Variants in PRAG1 observed in about 807,000 individuals in gnomAD.
PRAG1 encodes the protein inactive tyrosine-protein kinase PRAG1.
Under a neutral mutation model 95.6 loss-of-function variants are expected in PRAG1, and 110 were observed. The observed-to-expected ratio is 1.15, with a 90% CI of 0.99 to 1.35. The LOEUF is 1.35. PRAG1 is among the 40% of genes most tolerant of loss of function. The pLI is 0.00. For synonymous variants in PRAG1, 1,052 were observed against 819.4 expected, an observed-to-expected ratio of 1.28 and a Z score of -4.85; for missense variants, 2,554 against 1,864.7, an observed-to-expected ratio of 1.37 and a Z score of -6.81.
At position 8,349,575 on chromosome 8, in the gene PRAG1, C is replaced by A. The variant is rs185901438; in HGVS notation, c.2163-9940G>T. Among the ~76,000 whole-genome samples, 1,003 of 152,244 alleles carry A rather than the reference C, an allele frequency of 6.6e-3. 6 individuals are homozygous for A. Among genetic ancestry groups the A allele is most frequent in the African/African-American group, 0.019 (809 of 41,534 alleles). On this transcript the variant is annotated intron_variant, in intron 3 of 5. Coordinates refer to ENST00000615670, the MANE Select transcript of PRAG1 (RefSeq NM_001080826.3). ...GGGATTACAGGCCTGAGCCACCGCG[C>A]CCGGCCGGTTTCTATTATTTTTATC...
chr8:8,318,765 G>C lies in PRAG1; in HGVS notation c.3610C>G (p.Pro1204Ala). ...AGCCGGGGCAGCTGCTTCTCCCGGG[G>C]CCCTTCCGGGGAGGCGGGGCCGGCT... Reference protein sequence around the residue: ...PAAGPASPEGPREKQLPRLII... With the variant: ...PAAGPASPEGAREKQLPRLII... The change falls in exon 6 of 6, where the codon CCC becomes GCC. Residue 1204 changes from proline to alanine, a missense_variant. Physicochemically the swap from Pro to Ala is conservative, Grantham distance 27. Coordinates refer to ENST00000615670, the MANE Select transcript of PRAG1 (RefSeq NM_001080826.3). This position sits in a 1 kb window ranked among gnomAD's most constrained non-coding sequence, Gnocchi z 4.2. The C allele has an allele frequency of 1.3e-6, 2 of 1,574,774 alleles. No homozygotes were observed. Among genetic ancestry groups the C allele is most frequent in the African/African-American group, 2.7e-5 (2 of 73,804 alleles).
At chr8:8,354,415 A>G (rs937966558) in intron 3 of PRAG1, among the ~76,000 whole-genome samples, 1 of 151,982 alleles carries the variant, frequency 6.6e-6, no homozygotes, top group African/African-American at 2.4e-5. Flanking sequence ...TAGAGGGAAT[A>G]CTTCCAAAAA....
chr8:8,384,608 C>CAAAAAAAAAAA (rs11400182), intron 1 of PRAG1, among the ~76,000 whole-genome samples: 3 of 92,464 alleles, frequency 3.2e-5, no homozygotes, highest in Non-Finnish European at 6.2e-5. Flanking sequence ...CGCATGCAGC[C>CAAAAAAAAAAA]AAAAAAAAAA....
In PRAG1 at chr8:8,352,462, C is replaced by G. The variant is rs928033835; in HGVS notation, c.2163-12827G>C. Reference sequence around the variant, plus strand: ...AATTCATACTACCTCTCAGGGCTCCCTGGTAATGCTTGTACTTGACCCAAA... The same window carrying G: ...AATTCATACTACCTCTCAGGGCTCCGTGGTAATGCTTGTACTTGACCCAAA... On this transcript the variant is annotated intron_variant, in intron 3 of 5. Transcript: ENST00000615670. 1.2e-4 allele frequency among the ~76,000 whole-genome samples: 18 copies of G among 152,200 alleles called. 1 individual carries two copies. Among genetic ancestry groups the G allele is most frequent in the Admixed American group, 1.2e-3 (18 of 15,284 alleles).
chr8:8,344,770 G>A (rs891397863), intron 3 of PRAG1, among the ~76,000 whole-genome samples: 2 of 152,092 alleles, frequency 1.3e-5, no homozygotes, highest in African/African-American at 4.8e-5. Flanking sequence ...CTGTTGTTGC[G>A]CCTCTGGAAG....
chr8:8,355,003 A>T (rs1799640113), intron 3 of PRAG1, among the ~76,000 whole-genome samples: 1 of 152,200 alleles, frequency 6.6e-6, no homozygotes, highest in African/African-American at 2.4e-5. Context: ...TTTACAGATG[A>T]CATAATCTTG....
intron 3 of PRAG1, among the ~76,000 whole-genome samples, chr8:8,360,362 C>T (rs1398554878): frequency 1.5e-4 from 23 of 152,172 alleles, no homozygotes; most frequent in Admixed American, 1.5e-3. Context: ...TTTACCTTCT[C>T]CTCTAAAATA....
At chr8:8,333,276 G>T (rs1370928389) in intron 4 of PRAG1, among the ~76,000 whole-genome samples, 1 of 152,206 alleles carries the variant, frequency 6.6e-6, no homozygotes. Context: ...CCAAACCTCA[G>T]GTCCTAAGTT....
chr8:8,384,343 G>C (rs896373449), intron 1 of PRAG1, among the ~76,000 whole-genome samples: 2 of 152,052 alleles, frequency 1.3e-5, no homozygotes, highest in African/African-American at 4.8e-5. Context: ...GATTGCTAGC[G>C]TGGGGGAAGT....
intron 5 of PRAG1, among the ~76,000 whole-genome samples, chr8:8,323,322 T>C (rs1223121342): frequency 2.3e-4 from 7 of 30,174 alleles, no homozygotes; most frequent in African/African-American, 6.2e-4. Context: ...TTTCCCTCCC[T>C]TTTTTTTTTT....
chr8:8,377,258 C>G lies in PRAG1; in HGVS notation c.1151G>C (p.Gly384Ala). ...PEKQQDPGCPGVTPSRCLGLT... is the reference protein window; with the variant it reads ...PEKQQDPGCPAVTPSRCLGLT... ...CCCAAGGCATCTGCTAGGGGTCACCCCTGGGCAGCCAGGGTCCTGCTGCTT... is the reference window on the plus strand; with the variant it reads ...CCCAAGGCATCTGCTAGGGGTCACCGCTGGGCAGCCAGGGTCCTGCTGCTT... Residue 384 changes from glycine (G) to alanine (A), a missense_variant, in exon 3 of 6, where the codon GGG (glycine) becomes GCG (alanine). Coordinates refer to ENST00000615670, the MANE Select transcript of PRAG1 (RefSeq NM_001080826.3). The G allele has an allele frequency of 1.9e-6, 3 of 1,612,860 alleles. No homozygotes were observed. Among genetic ancestry groups the G allele is most frequent in the Non-Finnish European group, 2.5e-6 (3 of 1,179,952 alleles).
At chr8:8,342,313 C>A (rs189864436) in intron 3 of PRAG1, among the ~76,000 whole-genome samples, 10 of 151,476 alleles carry the variant, frequency 6.6e-5, no homozygotes, top group Non-Finnish European at 1.5e-4. Context: ...CTGCCTCAGC[C>A]TCCCGAGTAG....
At chr8:8,320,113 G>A (rs968991789) in intron 5 of PRAG1, among the ~76,000 whole-genome samples, 1 of 152,226 alleles carries the variant, frequency 6.6e-6, no homozygotes, top group African/African-American at 2.4e-5. Flanking sequence ...TGGTCGGGAG[G>A]TATTGGTAGG....
intron 3 of PRAG1, among the ~76,000 whole-genome samples, chr8:8,353,567 G>A (rs1799591039): frequency 6.6e-6 from 1 of 152,140 alleles, no homozygotes; most frequent in East Asian, 1.9e-4. Context: ...GTTCTAAGAG[G>A]AAATTTTATA....
intron 3 of PRAG1, among the ~76,000 whole-genome samples, chr8:8,358,130 T>C (rs1799737176): frequency 6.6e-6 from 1 of 152,226 alleles, no homozygotes; most frequent in African/African-American, 2.4e-5. Flanking sequence ...AAATTGGGGC[T>C]CCCATAATCT....
chr8:8,373,931 T>C (rs1025413163), intron 3 of PRAG1, among the ~76,000 whole-genome samples: 4 of 152,288 alleles, frequency 2.6e-5, no homozygotes, highest in African/African-American at 9.6e-5. Flanking sequence ...ACCTGAGTCA[T>C]GTTGCTATGG....
chr8:8,340,446 A>G (rs1255915966), intron 3 of PRAG1, among the ~76,000 whole-genome samples: 2 of 151,988 alleles, frequency 1.3e-5, no homozygotes, highest in Admixed American at 6.5e-5. Context: ...CATTCTCACC[A>G]TGAAGGGAGA....
chr8:8,318,121 A>G lies in PRAG1; in HGVS notation c.*33T>C. On this transcript the variant is annotated 3_prime_UTR_variant, in exon 6 of 6. Coordinates refer to ENST00000615670, the MANE Select transcript of PRAG1 (RefSeq NM_001080826.3). This position sits in a 1 kb window ranked among gnomAD's most constrained non-coding sequence, Gnocchi z 4.2. ...CGAGACAGGAAAGGGTTAGGCAGGG[A>G]AGGGGCAGCGACGGTGCAGGCTGGG... 1 of 1,576,470 alleles carries G rather than the reference A, an allele frequency of 6.3e-7. No homozygotes were observed. The highest frequency in any genetic ancestry group is 8.6e-7 in the Non-Finnish European group (1 of 1,160,832).
intron 3 of PRAG1, among the ~76,000 whole-genome samples, chr8:8,368,722 G>C (rs1800093281): frequency 6.6e-6 from 1 of 152,138 alleles, no homozygotes; most frequent in Non-Finnish European, 1.5e-5. Flanking sequence ...AGGGACAGAG[G>C]GGGACTGACC....
Sources: gnomAD v4.1 joint callset for allele counts (sites outside exome capture counted in the v4.1 genomes callset) on GRCh38, gnomAD v4.1.1 for gene constraint, Gnocchi (gnomAD v3.1) non-coding constraint, MANE v1.5 for transcripts, NCBI Gene and HGNC (gene_info 2026-07-23, HGNC 2026-07-21) for gene names.